C12orf50: variants seen among roughly 807,000 people sequenced by gnomAD.
C12orf50 encodes the protein uncharacterized protein C12orf50.
Under a neutral mutation model 61.6 loss-of-function variants are expected in C12orf50, and 35 were observed. The ratio of observed to expected loss-of-function variants is 0.57; its 90% CI spans 0.43 to 0.75. C12orf50 has a LOEUF of 0.75. Among genes scored for constraint, C12orf50 ranks in the 30% least tolerant of loss-of-function variants. C12orf50 has a pLI of 0.00. For missense variants in C12orf50, 475 were observed against 488.5 expected (o/e 0.97, Z 0.26); for synonymous variants, 178 against 161.5 (o/e 1.10, Z -0.77).
intron 3 of C12orf50, among the ~76,000 whole-genome samples, chr12:88,007,173 T>A (rs1377178753): frequency 6.6e-6 from 1 of 152,160 alleles, no homozygotes; most frequent in African/African-American, 2.4e-5. Flanking sequence ...GTTCACAATA[T>A]CTTAGAAAAA....
At chr12:87,983,252 G>A in intron 11 of C12orf50, 57 bp from the exon 12 acceptor site, 3 of 1,209,152 alleles carry the variant, frequency 2.5e-6, no homozygotes, top group Non-Finnish European at 3.5e-6. Context: ...ATATTCCAAG[G>A]GTGTTTCAAA....
chr12:88,026,935 C>A lies in C12orf50; in HGVS notation c.12+16G>T. On this transcript the variant is annotated intron_variant, in intron 2 of 12. Transcript: ENST00000298699. ...AAATACTTTTTGACAAAAATGATGA[C>A]GCCAAGTAATTCTACCTGCATTTCC... is the stretch of plus-strand genomic sequence containing the variant. The A allele has an allele frequency of 6.2e-7, 1 of 1,604,106 alleles. No individual in the cohort carries two copies. The highest frequency in any genetic ancestry group is 8.5e-7 in the Non-Finnish European group (1 of 1,177,306).
intron 3 of C12orf50, among the ~76,000 whole-genome samples, chr12:88,018,811 C>T (rs562011386): frequency 1.6e-4 from 24 of 152,342 alleles, no homozygotes; most frequent in African/African-American, 5.3e-4. Flanking sequence ...TTTGGACTTG[C>T]ATAGGGCCTG....
chr12:87,993,362 A>G (rs1398183503), intron 7 of C12orf50, among the ~76,000 whole-genome samples: 1 of 152,226 alleles, frequency 6.6e-6, no homozygotes, highest in Non-Finnish European at 1.5e-5. Flanking sequence ...GCTCGGGTTA[A>G]GTGGATCCCA....
At chr12:87,999,311 G>A (rs565055792) in intron 3 of C12orf50, among the ~76,000 whole-genome samples, 1 of 152,262 alleles carries the variant, frequency 6.6e-6, no homozygotes, top group African/African-American at 2.4e-5. Flanking sequence ...TGTAGTCCCA[G>A]CTACTCAGGA....
chr12:88,026,602 A>C lies in C12orf50; in HGVS notation c.19T>G (p.Cys7Gly). Residue 7 changes from cysteine to glycine, a missense_variant, in exon 3 of 13, where the codon TGC (cysteine) becomes GGC (glycine). Transcript: ENST00000298699. ...GTTTCCCAGAAGCATGAAATGCTGCAGTTTTGCTAGATAAAAGGAGATTGG... is the reference window on the plus strand; with the variant it reads ...GTTTCCCAGAAGCATGAAATGCTGCCGTTTTGCTAGATAAAAGGAGATTGG... MEMQQNCSISCFWETQP... is the reference protein window; with the variant it reads MEMQQNGSISCFWETQP... The C allele has an allele frequency of 1.2e-6, 2 of 1,612,984 alleles. No homozygotes were observed. The highest frequency in any genetic ancestry group is 2.2e-5 in the South Asian group (2 of 90,980).
intron 4 of C12orf50, among the ~76,000 whole-genome samples, chr12:87,997,022 G>A (rs912545406): frequency 2.0e-5 from 3 of 152,156 alleles, no homozygotes; most frequent in African/African-American, 4.8e-5. Context: ...GTGTCCCGTA[G>A]TCCATAGAAG....
chr12:87,986,853 T>A (rs1565739950), intron 9 of C12orf50, among the ~76,000 whole-genome samples: 1 of 152,156 alleles, frequency 6.6e-6, no homozygotes, highest in East Asian at 1.9e-4. Context: ...TCAGTGAACT[T>A]TACCTTATTA....
At chr12:88,011,139 T>C (rs2032093674) in intron 3 of C12orf50, among the ~76,000 whole-genome samples, 1 of 152,150 alleles carries the variant, frequency 6.6e-6, no homozygotes, top group Admixed American at 6.5e-5. Context: ...TTATATATTA[T>C]GTAGTGATTA....
intron 12 of C12orf50, 79 bp from the exon 13 acceptor site, chr12:87,980,435 C>T (rs1009695803): frequency 1.6e-6 from 2 of 1,250,096 alleles, no homozygotes; most frequent in East Asian, 2.3e-5. Context: ...TTGCTAATTA[C>T]TTGCCGTAAA....
intron 3 of C12orf50, among the ~76,000 whole-genome samples, chr12:88,014,900 G>A (rs2032254499): frequency 6.6e-6 from 1 of 152,188 alleles, no homozygotes; most frequent in African/African-American, 2.4e-5. Flanking sequence ...TAATTAAACT[G>A]CAAGTTTATA....
chr12:88,011,122 A>T (rs2032093278), intron 3 of C12orf50, among the ~76,000 whole-genome samples: 1 of 152,094 alleles, frequency 6.6e-6, no homozygotes, highest in African/African-American at 2.4e-5. Context: ...TCTGAAAGAC[A>T]TATTTTTTAT....
At chr12:88,013,779 G>C (rs1453704052) in intron 3 of C12orf50, among the ~76,000 whole-genome samples, 1 of 152,098 alleles carries the variant, frequency 6.6e-6, no homozygotes, top group African/African-American at 2.4e-5. Context: ...TAAAAAGTTG[G>C]GGGGAAAACA....
intron 12 of C12orf50, among the ~76,000 whole-genome samples, chr12:87,982,612 C>T (rs946180949): frequency 5.9e-5 from 9 of 152,018 alleles, no homozygotes; most frequent in Admixed American, 6.6e-5. Context: ...TCCAAGGAAC[C>T]CCAGTCTCCC....
intron 1 of C12orf50, among the ~76,000 whole-genome samples, chr12:88,028,413 G>T (rs2032784242): frequency 6.6e-6 from 1 of 152,148 alleles, no homozygotes; most frequent in Non-Finnish European, 1.5e-5. Context: ...TGAGCACAAA[G>T]CTCCAAATAT....
chr12:88,008,085 T>C (rs1262122811), intron 3 of C12orf50, among the ~76,000 whole-genome samples: 2 of 152,094 alleles, frequency 1.3e-5, no homozygotes, highest in Admixed American at 1.3e-4. Context: ...TCTTTTCAGT[T>C]CAGGGGTACA....
At chr12:88,021,301 C>A (rs1204256116) in intron 3 of C12orf50, among the ~76,000 whole-genome samples, 13 of 145,324 alleles carry the variant, frequency 8.9e-5, no homozygotes, top group Non-Finnish European at 1.2e-4. Context: ...CTAATAAAGA[C>A]AAAAAAAAAA....
Position 87,998,131 on chromosome 12 carries a change from G to C in C12orf50, c.193C>G (p.Pro65Ala). Residue 65 changes from proline (P) to alanine (A), a missense_variant, in exon 4 of 13, where the codon CCT (proline) becomes GCT (alanine). Coordinates refer to ENST00000298699, the MANE Select transcript of C12orf50 (RefSeq NM_152589.3). Reference sequence around the variant, plus strand: ...GATATATTTTCCTGAGGTTTCAGAGGTTCTTGACTCTGGGACTGGAGTGGA... The same window carrying C: ...GATATATTTTCCTGAGGTTTCAGAGCTTCTTGACTCTGGGACTGGAGTGGA... Reference protein sequence around the residue: ...GIPLQSQSQEPLKPQENISRP... With the variant: ...GIPLQSQSQEALKPQENISRP... The C allele has an allele frequency of 1.9e-6, 3 of 1,612,484 alleles. No individual in the cohort carries two copies. The highest frequency in any genetic ancestry group is 2.5e-6 in the Non-Finnish European group (3 of 1,178,900).
intron 1 of C12orf50, 126 bp downstream of exon 1, chr12:88,029,214 A>T: frequency 1.4e-6 from 1 of 717,756 alleles, no homozygotes; most frequent in Non-Finnish European, 2.0e-6. Context: ...TCAGTGTGTA[A>T]GGGGGAAAAA....
Sources: allele counts gnomAD v4.1 joint callset (sites outside exome capture counted in the v4.1 genomes callset), GRCh38; gene constraint gnomAD v4.1.1; transcripts MANE v1.5; gene names NCBI Gene and HGNC (gene_info 2026-07-23, HGNC 2026-07-21).